Variants in KRABD3 observed in about 807,000 individuals in gnomAD.
The protein encoded by KRABD3 is KRAB domain-containing protein 3.
the KRABD3 span, chr7:149,729,849 C>T: frequency 1.6e-5 from 16 of 985,278 alleles, no homozygotes; most frequent in African/African-American, 5.2e-5. Context: ...TGGGAGAAGC[C>T]GCCTGGCCTG....
chr7:149,718,359 T>G, the KRABD3 span, among the ~76,000 whole-genome samples: 1 of 152,196 alleles, frequency 6.6e-6, no homozygotes. Context: ...ATAAACAGTT[T>G]AACATTCATT....
the KRABD3 span, among the ~76,000 whole-genome samples, chr7:149,716,885 T>C: frequency 6.6e-6 from 1 of 152,204 alleles, no homozygotes; most frequent in East Asian, 1.9e-4. Flanking sequence ...TGTTTTGTCT[T>C]CACAATACCT....
chr7:149,724,014 TC>T, the KRABD3 span: 5 of 1,033,838 alleles, frequency 4.8e-6, no homozygotes, highest in East Asian at 1.2e-4. Flanking sequence ...GGGAAGAGGA[TC>T]CGGATGCGGG....
the KRABD3 span, chr7:149,730,279 TCA>T: frequency 1.9e-6 from 3 of 1,551,882 alleles, no homozygotes; most frequent in Non-Finnish European, 2.6e-6. Context: ...AGCTCGAGCT[TCA>T]GCGGCTCTGA....
the KRABD3 span, among the ~76,000 whole-genome samples, chr7:149,732,514 A>T: frequency 1.3e-5 from 2 of 152,166 alleles, no homozygotes; most frequent in South Asian, 2.1e-4. This position sits in a 1 kb window ranked among gnomAD's most constrained non-coding sequence, Gnocchi z 4.0. Context: ...GGGGCTGAAC[A>T]GGTTAGGAAT....
the KRABD3 span, chr7:149,723,413 A>T: frequency 5.6e-6 from 2 of 356,672 alleles, no homozygotes; most frequent in Non-Finnish European, 1.0e-5. Context: ...TTACTGTACA[A>T]CTCCATTTTC....
At chr7:149,734,298 CTG>C in the KRABD3 span, 1 of 531,424 alleles carries the variant, frequency 1.9e-6, no homozygotes, top group Non-Finnish European at 3.3e-6. Context: ...CTTCCCTCTC[CTG>C]TCTTTCCCAC....
At chr7:149,721,334 G>A in the KRABD3 span, 1 of 1,544,856 alleles carries the variant, frequency 6.5e-7, no homozygotes, top group African/African-American at 1.4e-5. Flanking sequence ...GTGTGACAAT[G>A]TTAGGGGCAT....
chr7:149,720,938 C>T, the KRABD3 span: 24 of 1,613,560 alleles, frequency 1.5e-5, no homozygotes, highest in African/African-American at 4.0e-5. Context: ...TGGACAGCCC[C>T]GAGAGCGAGA....
chr7:149,722,780 C>T, the KRABD3 span: 1 of 1,596,630 alleles, frequency 6.3e-7, no homozygotes, highest in Non-Finnish European at 8.5e-7. Context: ...GCATGTGCCA[C>T]AGGAATTTCT....
the KRABD3 span, chr7:149,724,942 C>A: frequency 9.4e-7 from 1 of 1,068,782 alleles, no homozygotes; most frequent in Non-Finnish European, 1.3e-6. Flanking sequence ...CAGCTCTCAG[C>A]AGGGAGCCGC....
At chr7:149,729,706 G>A in the KRABD3 span, 28 of 985,302 alleles carry the variant, frequency 2.8e-5, no homozygotes, top group Non-Finnish European at 3.1e-5. Context: ...TGCAGGGCCT[G>A]CTGGGATGCC....
chr7:149,732,625 AC>A, the KRABD3 span, among the ~76,000 whole-genome samples: 18,457 of 148,046 alleles, frequency 0.12, 1,162 homozygotes, highest in Middle Eastern at 0.23. This position sits in a 1 kb window ranked among gnomAD's most constrained non-coding sequence, Gnocchi z 4.0. Flanking sequence ...TTTAAAAAAA[AC>A]AAAAAGCTTA....
the KRABD3 span, chr7:149,719,342 G>A: frequency 1.2e-5 from 6 of 487,832 alleles, no homozygotes; most frequent in African/African-American, 4.1e-5. This position sits in a 1 kb window ranked among gnomAD's most constrained non-coding sequence, Gnocchi z 5.6. Flanking sequence ...ACTTACAGGC[G>A]TGAGGGTTAG....
chr7:149,719,790 G>C, the KRABD3 span: 4 of 1,291,350 alleles, frequency 3.1e-6, no homozygotes, highest in Middle Eastern at 1.9e-4. The surrounding 1 kb of genome is among the most constrained non-coding windows in gnomAD (Gnocchi z 5.6). Context: ...CACGGGGATC[G>C]TTCACGCTGC....
the KRABD3 span, chr7:149,729,779 C>T: frequency 1.0e-6 from 1 of 985,328 alleles, no homozygotes; most frequent in Non-Finnish European, 1.2e-6. Context: ...CTAACTGAGC[C>T]CCACCCTTGG....
At chr7:149,724,758 A>C in the KRABD3 span, 1 of 1,571,008 alleles carries the variant, frequency 6.4e-7, no homozygotes, top group South Asian at 1.2e-5. Flanking sequence ...CAGGACCTGC[A>C]TCCTGTCAGC....
the KRABD3 span, among the ~76,000 whole-genome samples, chr7:149,718,954 G>A: frequency 1.3e-5 from 2 of 152,168 alleles, no homozygotes; most frequent in Non-Finnish European, 2.9e-5. Flanking sequence ...AGCTTCCAAG[G>A]GCAACCCCAG....
chr7:149,730,957 C>T, the KRABD3 span, among the ~76,000 whole-genome samples: 1 of 152,186 alleles, frequency 6.6e-6, no homozygotes, highest in East Asian at 1.9e-4. Flanking sequence ...TGGAGAGTGT[C>T]CCATTAGGAA....
Sources: allele counts gnomAD v4.1 joint callset (sites outside exome capture counted in the v4.1 genomes callset), GRCh38; gene constraint gnomAD v4.1.1; non-coding constraint Gnocchi (gnomAD v3.1); transcripts MANE v1.5; gene names NCBI Gene and HGNC (gene_info 2026-07-23, HGNC 2026-07-21).